The following DNAH12 variants were observed in gnomAD, a reference collection of about 807,000 sequenced individuals.
The protein encoded by DNAH12 is dynein axonemal heavy chain 12.
Under a neutral mutation model 371.5 loss-of-function variants are expected in DNAH12, and 285 were observed. The observed-to-expected ratio is 0.77, with a 90% confidence interval of 0.70 to 0.85. DNAH12 has a LOEUF of 0.85. Ranked by LOEUF, DNAH12 falls within the 40% of genes least tolerant of loss-of-function variation. The pLI is 0.00. For synonymous variants in DNAH12, 1,200 were observed against 1,213.0 expected (o/e 0.99, Z 0.22); for missense variants, 3,611 against 3,689.4 (o/e 0.98, Z 0.55).
Position 57,293,709 on chromosome 3 carries a change from T to C in DNAH12, c.*72A>G, listed in dbSNP as rs2061168189. The C allele has an allele frequency of 7.0e-7, 1 of 1,430,176 alleles. No homozygotes were observed. The highest frequency in any genetic ancestry group is 2.4e-5 in the Admixed American group (1 of 40,850). 88.6% of individuals were successfully genotyped at this position (1,430,176 alleles called of 1,614,324 possible). ...AATAACACCAAAACACTTGGTTTTA[T>C]AATGTATATATTTTAAGTAGGACAG... On this transcript the variant is annotated 3_prime_UTR_variant, in exon 74 of 74. Coordinates refer to ENST00000495027, the MANE Select transcript of DNAH12 (RefSeq NM_001366028.2).
chr3:57,455,999 T>C (rs776381931), intron 22 of DNAH12, among the ~76,000 whole-genome samples: 1 of 152,212 alleles, frequency 6.6e-6, no homozygotes, highest in Non-Finnish European at 1.5e-5. Flanking sequence ...TAAAATAACA[T>C]CATCTTAGAT....
At position 57,371,941 on chromosome 3, in the gene DNAH12, CAAAAA is replaced by C. The variant is rs1169602185; in HGVS notation, c.8759+3425_8759+3429del. ...TGTCAACCCAGAATTCTAAACTCAG[CAAAAA>C]AAAAAAAAAAAAAAAAAAATTCTTT... On this transcript the variant is annotated intron_variant, in intron 55 of 73. Coordinates refer to ENST00000495027, the MANE Select transcript of DNAH12 (RefSeq NM_001366028.2). Among the ~76,000 whole-genome samples, 49 of 25,862 alleles carry C rather than the reference CAAAAA, an allele frequency of 1.9e-3. 1 individual carries two copies. Among genetic ancestry groups the C allele is most frequent in the East Asian group, 3.4e-3 (9 of 2,660 alleles). The allele number at this position is 25,862 out of a possible 152,430, so 17.0% of individuals were successfully genotyped here. A position where few individuals can be genotyped will look rare whatever the true frequency, so the allele number is the denominator to read the frequency against.
intron 65 of DNAH12, among the ~76,000 whole-genome samples, chr3:57,318,227 T>C (rs531633345): frequency 2.0e-5 from 3 of 152,322 alleles, no homozygotes; most frequent in South Asian, 4.1e-4. Flanking sequence ...TATGAAATTA[T>C]TGCTAAGATC....
chr3:57,393,062 T>C (rs2063658831), intron 44 of DNAH12, among the ~76,000 whole-genome samples: 3 of 152,174 alleles, frequency 2.0e-5, no homozygotes, highest in African/African-American at 7.2e-5. Flanking sequence ...TAATGCACCA[T>C]TTACTGAGAG....
intron 13 of DNAH12, among the ~76,000 whole-genome samples, chr3:57,478,010 A>G (rs920849762): frequency 2.0e-5 from 3 of 152,234 alleles, no homozygotes; most frequent in Non-Finnish European, 4.4e-5. Flanking sequence ...TCTAAAAATC[A>G]GAGCGCCTCT....
chr3:57,373,001 A>G (rs2063207148), intron 55 of DNAH12, among the ~76,000 whole-genome samples: 5 of 152,360 alleles, frequency 3.3e-5, no homozygotes. Context: ...AACTCAACAA[A>G]TAGTGCTGGA....
intron 69 of DNAH12, among the ~76,000 whole-genome samples, chr3:57,305,265 C>T (rs1440689271): frequency 3.3e-5 from 5 of 152,048 alleles, no homozygotes; most frequent in African/African-American, 9.7e-5. Context: ...TCACCTCTCC[C>T]CTCAATCCCA....
chr3:57,551,522 T>C, the DNAH12 span, among the ~76,000 whole-genome samples: 1 of 149,746 alleles, frequency 6.7e-6, no homozygotes, highest in Non-Finnish European at 1.5e-5. Context: ...CCGCCCGCCT[T>C]GGCTCCCAAA....
At chr3:57,308,273 G>T (rs1405041796) in intron 69 of DNAH12, among the ~76,000 whole-genome samples, 1 of 152,112 alleles carries the variant, frequency 6.6e-6, no homozygotes, top group East Asian at 1.9e-4. Context: ...CCTCTATACA[G>T]TCCTATAATG....
At position 57,529,382 on chromosome 3, in the gene DNAH12, T is replaced by TG. The variant is rs1055547955; in HGVS notation, c.171-5499dup. Among the ~76,000 whole-genome samples, 104 of 152,298 alleles carry TG rather than the reference T, an allele frequency of 6.8e-4. 1 individual carries two copies. The highest frequency in any genetic ancestry group is 2.3e-3 in the African/African-American group (95 of 41,550). ...CCATAAGGGCCTGGGCTTTTTTTGC[T>TG]GGAAGACGTTTTATTATGGCTTCAA... On this transcript the variant is annotated intron_variant, in intron 2 of 73. Coordinates refer to ENST00000495027, the MANE Select transcript of DNAH12 (RefSeq NM_001366028.2).
intron 36 of DNAH12, 138 bp downstream of exon 36, chr3:57,421,380 G>C: frequency 3.2e-6 from 2 of 622,096 alleles, no homozygotes; most frequent in Non-Finnish European, 5.4e-6. Context: ...TAAGTTATGG[G>C]AGGTGAAACT....
intron 55 of DNAH12, among the ~76,000 whole-genome samples, chr3:57,371,514 G>T (rs918419242): frequency 2.0e-5 from 3 of 151,888 alleles, no homozygotes. Context: ...TATCAATACA[G>T]CTGTTAAAAA....
At chr3:57,348,865 CT>C (rs1553659076) in intron 60 of DNAH12, among the ~76,000 whole-genome samples, 1 of 152,200 alleles carries the variant, frequency 6.6e-6, no homozygotes, top group African/African-American at 2.4e-5. Flanking sequence ...CCACTTTGGA[CT>C]TGACCAGATG....
intron 29 of DNAH12, 45 bp from the exon 30 acceptor site, chr3:57,437,105 A>T (rs2153367544): frequency 1.7e-6 from 2 of 1,180,838 alleles, no homozygotes; most frequent in Admixed American, 6.1e-5. Context: ...CAATATTATA[A>T]ATGTCATACC....
chr3:57,321,538 C>G (rs572742059), intron 65 of DNAH12, among the ~76,000 whole-genome samples: 1 of 152,064 alleles, frequency 6.6e-6, no homozygotes, highest in Non-Finnish European at 1.5e-5. Flanking sequence ...AGTGACCTAC[C>G]GGACTGGTAA....
intron 40 of DNAH12, among the ~76,000 whole-genome samples, chr3:57,406,658 T>C (rs986591008): frequency 3.9e-5 from 6 of 152,346 alleles, no homozygotes; most frequent in Admixed American, 3.9e-4. Flanking sequence ...TCATTCCAAA[T>C]GAAGAGGAAG....
At chr3:57,390,209 G>A (rs2063586061) in intron 45 of DNAH12, among the ~76,000 whole-genome samples, 1 of 145,360 alleles carries the variant, frequency 6.9e-6, no homozygotes. Context: ...AGGCTGAGGT[G>A]GGAGACAAGC....
At chr3:57,382,514 G>GTTTTTTTTTT (rs36129650) in intron 49 of DNAH12, 121 bp from the exon 50 acceptor site, 2 of 148,746 alleles carry the variant, frequency 1.3e-5, no homozygotes, top group Non-Finnish European at 1.5e-5. Flanking sequence ...TGAAATCAAA[G>GTTTTTTTTTT]TTTTTTTTTT....
intron 13 of DNAH12, 148 bp from the exon 14 acceptor site, chr3:57,472,819 G>A: frequency 1.3e-6 from 1 of 796,620 alleles, no homozygotes; most frequent in East Asian, 2.8e-5. Flanking sequence ...ACCCAAACCA[G>A]ATGGGTATTT....
Sources: allele counts gnomAD v4.1 joint callset (sites outside exome capture counted in the v4.1 genomes callset), GRCh38; gene constraint gnomAD v4.1.1; transcripts MANE v1.5; gene names NCBI Gene and HGNC (gene_info 2026-07-23, HGNC 2026-07-21).